The following USO1 variants were observed in gnomAD, a reference collection of about 807,000 sequenced individuals.
USO1 encodes the protein general vesicular transport factor p115.
USO1 carries 57 observed loss-of-function variants against 124.5 expected under a neutral mutation model. The ratio of observed to expected loss-of-function variants is 0.46; its 90% CI spans 0.37 to 0.57. The LOEUF (loss-of-function observed/expected upper bound fraction) is 0.57. Among genes scored for constraint, USO1 ranks in the 20% least tolerant of loss-of-function variants. USO1 has a pLI of 0.00. For missense variants in USO1, 900 were observed against 1,040.6 expected (o/e 0.86, Z 1.86); for synonymous variants, 369 against 362.8 (o/e 1.02, Z -0.19).
At chr4:75,744,816 C>A (rs1363890570) in intron 1 of USO1, 1 of 366,684 alleles carries the variant, frequency 2.7e-6, no homozygotes, top group Non-Finnish European at 5.4e-6. Flanking sequence ...GTAAAAGGCC[C>A]CCATGAATGG....
chr4:75,739,538 C>CTTTTTTTTTT (rs753369609), intron 1 of USO1, among the ~76,000 whole-genome samples: 3 of 105,416 alleles, frequency 2.8e-5, no homozygotes, highest in Non-Finnish European at 3.7e-5. Flanking sequence ...TTATCTTTTT[C>CTTTTTTTTTT]TTTTTTTTTT....
chr4:75,726,865 G>A (rs1720478762), intron 1 of USO1, among the ~76,000 whole-genome samples: 1 of 152,154 alleles, frequency 6.6e-6, no homozygotes. Context: ...ATTACAGCTT[G>A]CTTTGTGGAG....
At chr4:75,785,322 CT>C (rs1462160196) in intron 9 of USO1, among the ~76,000 whole-genome samples, 2 of 150,900 alleles carry the variant, frequency 1.3e-5, no homozygotes, top group Non-Finnish European at 2.9e-5. Context: ...GGGAAAACAT[CT>C]TTTGAAAAGT....
At chr4:75,779,844 A>G (rs1177658035) in intron 8 of USO1, among the ~76,000 whole-genome samples, 1 of 152,252 alleles carries the variant, frequency 6.6e-6, no homozygotes, top group East Asian at 1.9e-4. Context: ...CATAGACAAA[A>G]CAGCCTTCTA....
At position 75,812,170 on chromosome 4, in the gene USO1, A is replaced by T; in HGVS notation, c.2594A>T (p.Lys865Ile). 6.2e-7 allele frequency: 1 copy of T among 1,602,376 alleles called. No homozygotes were observed. Among genetic ancestry groups the T allele is most frequent in the Non-Finnish European group, 8.5e-7 (1 of 1,174,172 alleles). The change falls in exon 23 of 24, where the codon AAA becomes ATA. Residue 865 changes from lysine (K) to isoleucine (I), a missense_variant. Coordinates refer to ENST00000514213, the MANE Select transcript of USO1 (RefSeq NM_003715.4). ...CCTTTCTTTTCCTAGAATGAAATTA[A>T]AGCTCTGTCTGAGGAAAGAACTGCC... Reference protein sequence around the residue: ...QETKELKNEIKALSEERTAIK... With the variant: ...QETKELKNEIIALSEERTAIK...
intron 13 of USO1, among the ~76,000 whole-genome samples, chr4:75,799,174 A>T (rs1268772999): frequency 6.7e-6 from 1 of 149,674 alleles, no homozygotes; most frequent in African/African-American, 2.4e-5. Flanking sequence ...ATTTTTCTTG[A>T]TTTTTTTGTT....
chr4:75,726,387 T>G (rs1036874339), intron 1 of USO1, among the ~76,000 whole-genome samples: 3 of 152,066 alleles, frequency 2.0e-5, no homozygotes, highest in African/African-American at 7.2e-5. Flanking sequence ...AGCCTTCACT[T>G]TATTGCTCAT....
intron 4 of USO1, among the ~76,000 whole-genome samples, chr4:75,759,906 GTC>G (rs1465658911): frequency 4.2e-5 from 6 of 141,796 alleles, no homozygotes; most frequent in African/African-American, 1.6e-4. Flanking sequence ...ACAAGACTCT[GTC>G]TTAAAAAAAA....
chr4:75,809,156 CTTTAGAT>C, intron 21 of USO1, 105 bp downstream of exon 21: 1 of 1,366,702 alleles, frequency 7.3e-7, no homozygotes, highest in Non-Finnish European at 9.7e-7. Context: ...AGCACCTTCT[CTTTAGAT>C]TACTTACTAG....
At chr4:75,730,874 C>T (rs1720612899) in intron 1 of USO1, among the ~76,000 whole-genome samples, 2 of 151,822 alleles carry the variant, frequency 1.3e-5, no homozygotes, top group African/African-American at 4.8e-5. Context: ...GTCTTGAACT[C>T]CTGGCCTCAA....
chr4:75,763,132 T>TGTTTTTA (rs1421063878), intron 4 of USO1, among the ~76,000 whole-genome samples: 1 of 152,208 alleles, frequency 6.6e-6, no homozygotes, highest in African/African-American at 2.4e-5. Flanking sequence ...TGTTTTTAAA[T>TGTTTTTA]ATTGTTTACA....
chr4:75,769,405 T>TC (rs1721858733), intron 4 of USO1, among the ~76,000 whole-genome samples: 1 of 152,230 alleles, frequency 6.6e-6, no homozygotes, highest in Admixed American at 6.5e-5. Context: ...CTCTTCTTTT[T>TC]CCTCTATAAA....
intron 1 of USO1, among the ~76,000 whole-genome samples, chr4:75,726,430 A>G (rs1210776101): frequency 6.6e-6 from 1 of 152,082 alleles, no homozygotes; most frequent in Non-Finnish European, 1.5e-5. Flanking sequence ...GGAACTTTAT[A>G]TAGTATTACT....
chr4:75,737,869 C>T (rs1006461122), intron 1 of USO1, among the ~76,000 whole-genome samples: 1 of 151,698 alleles, frequency 6.6e-6, no homozygotes, highest in Non-Finnish European at 1.5e-5. Flanking sequence ...GCTCTGTCAC[C>T]GAGGCTGGAG....
intron 8 of USO1, 57 bp downstream of exon 8, chr4:75,774,853 G>C (rs1722030419): frequency 1.3e-6 from 2 of 1,557,638 alleles, no homozygotes; most frequent in Non-Finnish European, 1.7e-6. Context: ...GACTTGTTAG[G>C]GTATAGGGAA....
chr4:75,795,431 T>C lies in USO1; in HGVS notation c.1452+1530T>C. 4.4e-6 allele frequency: 3 copies of C among 681,960 alleles called. No individual in the cohort carries two copies. In the South Asian group the frequency reaches 4.8e-5, roughly 11 times the overall value. The allele number at this position is 681,960 out of a possible 1,614,324, so 42.2% of individuals were successfully genotyped here. A position where few individuals can be genotyped will look rare whatever the true frequency, so the allele number is the denominator to read the frequency against. On this transcript the variant is annotated intron_variant, in intron 13 of 23. Coordinates refer to ENST00000514213, the MANE Select transcript of USO1 (RefSeq NM_003715.4). ...TTTTCTCTGTCTTGGGTTTTGCTGA[T>C]TGGTTTTTTTTTAACTGCTTGTTTG...
At chr4:75,803,118 GAAAGA>G (rs1412546447) in intron 17 of USO1, among the ~76,000 whole-genome samples, 2 of 142,866 alleles carry the variant, frequency 1.4e-5, no homozygotes, top group Non-Finnish European at 3.1e-5. Context: ...AAAAAAGAAA[GAAAGA>G]AAAGAAAAAA....
chr4:75,793,205 C>CTTT (rs67560505), intron 12 of USO1, among the ~76,000 whole-genome samples: 20 of 87,724 alleles, frequency 2.3e-4, no homozygotes, highest in Admixed American at 4.4e-4. Flanking sequence ...TCTCTCTCTC[C>CTTT]TTTTTTTTTT....
At chr4:75,791,986 A>G (rs189248302) in intron 12 of USO1, among the ~76,000 whole-genome samples, 1 of 151,526 alleles carries the variant, frequency 6.6e-6, no homozygotes, top group Admixed American at 6.6e-5. Context: ...ACTGTAATAC[A>G]AGTTGAGCAT....
Sources: gnomAD v4.1 joint callset for allele counts (sites outside exome capture counted in the v4.1 genomes callset) on GRCh38, gnomAD v4.1.1 for gene constraint, MANE v1.5 for transcripts, NCBI Gene and HGNC (gene_info 2026-07-23, HGNC 2026-07-21) for gene names.